Variants in RAD51B observed in about 807,000 individuals in gnomAD.
RAD51B encodes the protein RAD51 paralog B.
A neutral mutation model predicts 42.2 loss-of-function variants in RAD51B; 38 were observed. That is an observed-to-expected ratio of 0.90 (90% CI 0.70 to 1.18). The LOEUF (loss-of-function observed/expected upper bound fraction) is 1.18, where lower values mean the gene tolerates loss of function less well. RAD51B is among the 50% of genes most tolerant of loss of function. The probability of loss-of-function intolerance (pLI) is 0.00; values close to 1 mark genes in which losing one functional copy is unlikely to be tolerated. For missense variants in RAD51B, 373 were observed against 400.7 expected (o/e 0.93, Z 0.59); for synonymous variants, 154 against 145.2 (o/e 1.06, Z -0.43).
intron 8 of RAD51B, among the ~76,000 whole-genome samples, chr14:68,318,521 G>T (rs970467850): frequency 3.3e-5 from 5 of 152,188 alleles, no homozygotes; most frequent in African/African-American, 1.2e-4. Flanking sequence ...GGAAAGTAAG[G>T]AATATTATTG....
intron 10 of RAD51B, among the ~76,000 whole-genome samples, chr14:68,646,349 C>T (rs1409752670): frequency 6.6e-6 from 1 of 152,150 alleles, no homozygotes; most frequent in Non-Finnish European, 1.5e-5. Flanking sequence ...ATGAATGAAA[C>T]TGACCTTTCA....
chr14:68,242,916 G>C (rs994578226), intron 7 of RAD51B, among the ~76,000 whole-genome samples: 1 of 152,156 alleles, frequency 6.6e-6, no homozygotes, highest in Non-Finnish European at 1.5e-5. Context: ...GGAGGCCCTA[G>C]AAAGCTTAAG....
At chr14:67,988,027 A>G (rs568893477) in intron 7 of RAD51B, among the ~76,000 whole-genome samples, 113 of 152,214 alleles carry the variant, frequency 7.4e-4, no homozygotes, top group African/African-American at 2.7e-3. Context: ...AAACAAACAA[A>G]CAGTAAAAAC....
intron 7 of RAD51B, among the ~76,000 whole-genome samples, chr14:68,269,243 T>A (rs1321202394): frequency 6.6e-6 from 1 of 152,214 alleles, no homozygotes; most frequent in East Asian, 1.9e-4. Context: ...TTTTAAAACA[T>A]AAACCAGATC....
At chr14:68,138,976 A>G (rs182374084) in intron 7 of RAD51B, among the ~76,000 whole-genome samples, 2 of 152,316 alleles carry the variant, frequency 1.3e-5, no homozygotes, top group African/African-American at 4.8e-5. Context: ...GATGCCATAT[A>G]CTATGGAAGA....
intron 7 of RAD51B, among the ~76,000 whole-genome samples, chr14:68,074,234 T>G (rs1193241861): frequency 6.6e-6 from 1 of 152,202 alleles, no homozygotes; most frequent in Non-Finnish European, 1.5e-5. Flanking sequence ...TTTAAAATTC[T>G]TTTTTCTTTA....
intron 11 of RAD51B, among the ~76,000 whole-genome samples, chr14:68,653,396 C>G (rs1336009480): frequency 6.6e-6 from 1 of 152,130 alleles, no homozygotes; most frequent in Non-Finnish European, 1.5e-5. Context: ...AGCCAAAAAA[C>G]AGTTACAGGA....
At chr14:68,416,671 G>A (rs572868463) in intron 9 of RAD51B, among the ~76,000 whole-genome samples, 12 of 152,326 alleles carry the variant, frequency 7.9e-5, no homozygotes, top group Admixed American at 4.6e-4. Context: ...ACAATTATAA[G>A]CAGATACTTA....
chr14:68,470,156 A>G (rs1034094906), intron 10 of RAD51B, among the ~76,000 whole-genome samples: 11 of 152,192 alleles, frequency 7.2e-5, no homozygotes, highest in South Asian at 6.2e-4. Flanking sequence ...GGAAAGAGAA[A>G]AATTCAGGAA....
intron 8 of RAD51B, among the ~76,000 whole-genome samples, chr14:68,355,391 C>T (rs1014037074): frequency 6.6e-6 from 1 of 152,210 alleles, no homozygotes; most frequent in African/African-American, 2.4e-5. Flanking sequence ...TTACTGGCTT[C>T]ATTCTGATTT....
intron 4 of RAD51B, among the ~76,000 whole-genome samples, chr14:67,860,043 A>G (rs747102615): frequency 9.9e-5 from 15 of 152,248 alleles, no homozygotes; most frequent in Non-Finnish European, 2.2e-4. Context: ...ACTGGTCTCG[A>G]ACTTCCGACC....
rs913755479 is a variant in RAD51B at position 67,989,506 on chromosome 14, C to T, written c.756+102302C>T. Among the ~76,000 whole-genome samples the T allele has an allele frequency of 5.9e-5, 9 of 152,010 alleles. No individual in the cohort carries two copies. The East Asian group carries it at 1.7e-3, about 29-fold the overall frequency. ...CAAAAAAATTAGCTGGGCGTGGTGG[C>T]ACATGCCAGTAATCCCAGCTACTCA... is the stretch of plus-strand genomic sequence containing the variant. On this transcript the variant is annotated intron_variant, in intron 7 of 10. Coordinates refer to ENST00000471583, the MANE Select transcript of RAD51B (RefSeq NM_133510.4).
At chr14:68,472,007 C>G (rs2086139613) in intron 10 of RAD51B, 1 of 152,300 alleles carries the variant, frequency 6.6e-6, no homozygotes, top group Admixed American at 6.5e-5. Context: ...TCCATTTTTC[C>G]TTTGGTCCCC....
chr14:68,627,358 G>C (rs1566958915), intron 10 of RAD51B: 1 of 152,162 alleles, frequency 6.6e-6, no homozygotes, highest in Non-Finnish European at 1.5e-5. Flanking sequence ...CAGCTATGAA[G>C]GAAAAAGAAA....
At chr14:68,063,063 C>G (rs2076593971) in intron 7 of RAD51B, among the ~76,000 whole-genome samples, 1 of 151,904 alleles carries the variant, frequency 6.6e-6, no homozygotes, top group Admixed American at 6.6e-5. Flanking sequence ...TAATCATTTA[C>G]ATTTCTTCTG....
At chr14:68,351,502 A>T (rs1486608686) in intron 8 of RAD51B, among the ~76,000 whole-genome samples, 4 of 152,238 alleles carry the variant, frequency 2.6e-5, no homozygotes, top group African/African-American at 9.6e-5. Flanking sequence ...GGAATCAAAG[A>T]AGCCCAAAGT....
chr14:68,139,505 A>G (rs2588831), intron 7 of RAD51B, among the ~76,000 whole-genome samples: 104,164 of 152,098 alleles, frequency 0.68, 38,931 homozygotes, highest in East Asian at 0.89. Context: ...ATTGAGACAA[A>G]AAAAAAAGCA....
chr14:68,196,609 C>T (rs2079379104), intron 7 of RAD51B, among the ~76,000 whole-genome samples: 1 of 151,934 alleles, frequency 6.6e-6, no homozygotes, highest in Non-Finnish European at 1.5e-5. Context: ...CTTATAATTC[C>T]TCTTCCTCCT....
chr14:68,321,290 C>T (rs10146680), intron 8 of RAD51B, among the ~76,000 whole-genome samples: 22,734 of 152,110 alleles, frequency 0.15, 2,459 homozygotes, highest in African/African-American at 0.31. Flanking sequence ...GCAGCCCAGT[C>T]GCCCACTCCC....
Sources: allele counts gnomAD v4.1 joint callset (sites outside exome capture counted in the v4.1 genomes callset), GRCh38; gene constraint gnomAD v4.1.1; transcripts MANE v1.5; gene names NCBI Gene and HGNC (gene_info 2026-07-23, HGNC 2026-07-21).